The following AMPD3 variants were observed in gnomAD, a reference collection of about 807,000 sequenced individuals.
The protein encoded by AMPD3 is AMP deaminase 3.
AMPD3 carries 57 observed loss-of-function variants against 82.3 expected under a neutral mutation model. The ratio of observed to expected loss-of-function variants is 0.69; its 90% CI spans 0.56 to 0.86. The LOEUF is 0.86. AMPD3 is among the 40% of genes least tolerant of loss of function. The pLI is 0.00. For synonymous variants in AMPD3, 381 were observed against 394.7 expected (o/e 0.97, Z 0.41); for missense variants, 870 against 1,003.8 (o/e 0.87, Z 1.80).
chr11:10,469,294 T>TA (rs1216840391), intron 2 of AMPD3, among the ~76,000 whole-genome samples: 2 of 149,430 alleles, frequency 1.3e-5, no homozygotes, highest in African/African-American at 4.9e-5. Flanking sequence ...ATAGACACAA[T>TA]AAAAAATAAT....
chr11:10,502,931 A>G (rs974015188), intron 13 of AMPD3, 37 bp downstream of exon 13: 17 of 1,602,696 alleles, frequency 1.1e-5, no homozygotes, highest in Non-Finnish European at 1.4e-5. Flanking sequence ...GTGCTTCAGT[A>G]GGCACCAGTC....
rs756168450 is a variant in AMPD3, at chr11:10,493,471, C to T, written c.1062C>T (p.Thr354=). Residue 354 remains threonine, a synonymous_variant, in exon 7 of 15, where the codon ACC becomes ACT. Transcript: ENST00000396553. ...TVAEKRGRKI[T]LRQVFDGLHM... The stretch of plus-strand genomic sequence containing the variant: ...CAGAGAAGCGGGGCCGGAAGATCAC[C>T]CTGCGGCAGGTGTTTGACGGCCTGC... The T allele has an allele frequency of 1.9e-6, 3 of 1,614,174 alleles. No individual in the cohort carries two copies. The highest frequency in any genetic ancestry group is 1.1e-5 in the South Asian group (1 of 91,088).
At chr11:10,452,333 A>G (rs758313261), upstream of AMPD3, among the ~76,000 whole-genome samples, 1 of 152,140 alleles carries the variant, frequency 6.6e-6, no homozygotes, top group South Asian at 2.1e-4. Context: ...ATTGGCCTCC[A>G]TGATTCTTCC....
chr11:10,493,432 T>C lies in AMPD3; in HGVS notation c.1023T>C (p.Pro341=), dbSNP rs767592793. 5.0e-6 allele frequency: 8 copies of C among 1,614,206 alleles called. No individual in the cohort carries two copies. The East Asian group carries it at 1.8e-4, about 36-fold the overall frequency. ...TCAAGCACACATACCAGACGGAGCC[T>C]GACAGGACTGTGGCAGAGAAGCGGG... ...RFIKHTYQTE[P]DRTVAEKRGR... is the part of the protein sequence containing the mutation. The change falls in exon 7 of 15, where the codon CCT becomes CCC. Residue 341 remains proline, a synonymous_variant. Coordinates refer to ENST00000396553, the MANE Select transcript of AMPD3 (RefSeq NM_001025389.2).
intron 7 of AMPD3, among the ~76,000 whole-genome samples, chr11:10,494,133 G>A (rs1468701142): frequency 2.0e-5 from 3 of 152,148 alleles, no homozygotes; most frequent in African/African-American, 4.8e-5. Flanking sequence ...TCCATACAAC[G>A]GAATATCATT....
rs753498120 is a variant in AMPD3 at position 10,484,795 on chromosome 11, G to A, written c.590-25G>A. 9.3e-6 allele frequency: 15 copies of A among 1,611,872 alleles called. No individual in the cohort carries two copies. The African/African-American group carries it at 2.0e-4, about 22-fold the overall frequency. The stretch of plus-strand genomic sequence containing the variant: ...GTGCTCACAAGGTCAGGGGCACTTT[G>A]CCATCCCTCAATCCTGTTTTGCAGA... On this transcript the variant is annotated intron_variant, in intron 4 of 14. Transcript: ENST00000396553.
At chr11:10,490,571 C>T in intron 6 of AMPD3, 7 of 985,226 alleles carry the variant, frequency 7.1e-6, no homozygotes, top group Non-Finnish European at 8.4e-6. Flanking sequence ...AAAACACTGA[C>T]CTCCAATGAC....
Position 10,493,379 on chromosome 11 carries a change from A to G in AMPD3, c.970A>G (p.Met324Val), listed in dbSNP as rs1268320534. The G allele has an allele frequency of 1.2e-6, 2 of 1,614,122 alleles. No individual in the cohort carries two copies. The highest frequency in any genetic ancestry group is 8.5e-7 in the Non-Finnish European group (1 of 1,180,060). Residue 324 changes from methionine to valine, a missense_variant, in exon 7 of 15, where the codon ATG becomes GTG. Transcript: ENST00000396553. ...VDTHIHAAAC[M>V]NQKHLLRFIK... The stretch of plus-strand genomic sequence containing the variant: ...CACACACATCCATGCGGCCGCCTGC[A>G]TGAACCAAAAGCATCTGCTGCGCTT...
At chr11:10,476,869 C>T (rs1211842695) in intron 2 of AMPD3, 1 of 972,082 alleles carries the variant, frequency 1.0e-6, no homozygotes, top group African/African-American at 1.8e-5. Context: ...AAAGCTGAGG[C>T]TGGGGGCTCC....
At chr11:10,455,960 A>C (rs940443774) in intron 1 of AMPD3, 12 of 985,396 alleles carry the variant, frequency 1.2e-5, no homozygotes, top group Non-Finnish European at 1.4e-5. Flanking sequence ...CTCAGCTTTC[A>C]GGAGGAGGCT....
chr11:10,473,058 C>G (rs1848639766), intron 2 of AMPD3, among the ~76,000 whole-genome samples: 1 of 150,438 alleles, frequency 6.6e-6, no homozygotes, highest in Admixed American at 6.6e-5. Flanking sequence ...TCACTTGAGG[C>G]CAGGAGTTTG....
At chr11:10,460,056 T>TAATATATATTTTATATATATATATATAA (rs1848216719) in intron 1 of AMPD3, among the ~76,000 whole-genome samples, 1 of 106,350 alleles carries the variant, frequency 9.4e-6, no homozygotes, top group Non-Finnish European at 2.0e-5. Context: ...ATATTATATA[T>TAATATATATTTTATATATATATATATAA]AATATATATT....
At position 10,500,032 on chromosome 11, in the gene AMPD3, G is replaced by A. The variant is rs61484295; in HGVS notation, c.1558-54G>A. 2,491 of 1,611,072 alleles carry A rather than the reference G, an allele frequency of 1.5e-3. 42 individuals are homozygous for A. In the African/African-American group the frequency reaches 0.03, roughly 19 times the overall value. On this transcript the variant is annotated intron_variant, in intron 10 of 14. Coordinates refer to ENST00000396553, the MANE Select transcript of AMPD3 (RefSeq NM_001025389.2). Reference sequence around the variant, plus strand: ...GCTATGAGCTCTGGGAGGCTGAACCGAGGCTGAGTCCTGGTCCTGCCTTGG... The same window carrying A: ...GCTATGAGCTCTGGGAGGCTGAACCAAGGCTGAGTCCTGGTCCTGCCTTGG...
upstream of AMPD3, chr11:10,450,618 C>CT (rs1847935595): frequency 3.6e-5 from 36 of 994,078 alleles, no homozygotes; most frequent in Non-Finnish European, 4.2e-5. Context: ...GCGGCGCGGG[C>CT]CCCGCGGAGC....
upstream of AMPD3, among the ~76,000 whole-genome samples, chr11:10,454,160 G>A (rs1848029421): frequency 6.6e-6 from 1 of 152,186 alleles, no homozygotes; most frequent in Non-Finnish European, 1.5e-5. Flanking sequence ...CCTGAGAAGA[G>A]CTTGCTCTTC....
rs1849613322 is a variant in AMPD3, at chr11:10,502,730, T to C, written c.1852T>C (p.Leu618=). 2 of 1,614,108 alleles carry C rather than the reference T, an allele frequency of 1.2e-6. No individual in the cohort carries two copies. Among genetic ancestry groups the C allele is most frequent in the Admixed American group, 3.3e-5 (2 of 60,012 alleles). The change falls in exon 13 of 15, where the codon TTG becomes CTG. Residue 618 remains leucine (L), a synonymous_variant. Transcript: ENST00000396553. ...HGLLLKKSPV[L]QYLYYLAQIP... ...GGTGGTTCTTTTGCAGAGTCCGGTA[T>C]TGCAGTATCTCTACTACCTTGCTCA...
chr11:10,493,938 A>T (rs60018446), intron 7 of AMPD3, among the ~76,000 whole-genome samples: 1 of 152,260 alleles, frequency 6.6e-6, no homozygotes, highest in Admixed American at 6.5e-5. Flanking sequence ...TTCCTAAAAA[A>T]GTTAAGTATA....
intron 2 of AMPD3, among the ~76,000 whole-genome samples, chr11:10,462,392 A>G (rs967007104): frequency 6.6e-6 from 1 of 152,164 alleles, no homozygotes. Flanking sequence ...AGGAGTGACA[A>G]GGAAAGCAGT....
chr11:10,495,633 G>T lies in AMPD3; in HGVS notation c.1330G>T (p.Gly444Cys). Residue 444 changes from glycine to cysteine, a missense_variant, in exon 9 of 15, where the codon GGC (glycine) becomes TGC (cysteine). Coordinates refer to ENST00000396553, the MANE Select transcript of AMPD3 (RefSeq NM_001025389.2). ...QYSEPRLSIYGRSPEEWPNLA... is the reference protein window; with the variant it reads ...QYSEPRLSIYCRSPEEWPNLA... ...CTCAGAGCCACGGCTCTCCATCTAC[G>T]GCCGCAGTCCTGAGGAGTGGCCCAA... The T allele has an allele frequency of 6.2e-7, 1 of 1,613,954 alleles. No homozygotes were observed. The highest frequency in any genetic ancestry group is 8.5e-7 in the Non-Finnish European group (1 of 1,180,032).
Sources: gnomAD v4.1 joint callset for allele counts (sites outside exome capture counted in the v4.1 genomes callset) on GRCh38, gnomAD v4.1.1 for gene constraint, MANE v1.5 for transcripts, NCBI Gene and HGNC (gene_info 2026-07-23, HGNC 2026-07-21) for gene names.